FUT9: variants seen among roughly 807,000 people sequenced by gnomAD.
The protein encoded by FUT9 is fucosyltransferase 9, also known as 4-galactosyl-N-acetylglucosaminide 3-alpha-L-fucosyltransferase 9.
A neutral mutation model predicts 29.7 loss-of-function variants in FUT9; 15 were observed. The ratio of observed to expected loss-of-function variants is 0.51; its 90% CI spans 0.34 to 0.78. FUT9 has a LOEUF of 0.78. FUT9 is among the 30% of genes least tolerant of loss of function. The pLI, the probability that FUT9 is intolerant of heterozygous loss-of-function variation, is 0.01. For missense variants in FUT9, 319 were observed against 425.4 expected, an observed-to-expected ratio of 0.75 and a Z score of 2.20; for synonymous variants, 169 against 153.7, an observed-to-expected ratio of 1.10 and a Z score of -0.74.
chr6:96,068,004 A>G (rs1438932998), intron 1 of FUT9, among the ~76,000 whole-genome samples: 1 of 152,174 alleles, frequency 6.6e-6, no homozygotes, highest in African/African-American at 2.4e-5. Flanking sequence ...TAATGTCACT[A>G]TTATCATACA....
chr6:96,112,962 A>G (rs1378510738), intron 1 of FUT9, among the ~76,000 whole-genome samples: 4 of 152,216 alleles, frequency 2.6e-5, no homozygotes, highest in East Asian at 1.9e-4. Context: ...GCTGACACAC[A>G]TCACCATTAA....
At chr6:96,098,018 A>G (rs1210467956) in intron 1 of FUT9, among the ~76,000 whole-genome samples, 1 of 152,080 alleles carries the variant, frequency 6.6e-6, no homozygotes, top group Non-Finnish European at 1.5e-5. Flanking sequence ...CTGCACTTGA[A>G]GTAGAGGATT....
intron 2 of FUT9, among the ~76,000 whole-genome samples, chr6:96,194,333 G>A (rs1270061642): frequency 1.3e-5 from 2 of 152,122 alleles, no homozygotes; most frequent in Non-Finnish European, 2.9e-5. Flanking sequence ...TTTCTAACAG[G>A]ATCCCAGATG....
At chr6:96,109,104 G>C (rs935117924) in intron 1 of FUT9, among the ~76,000 whole-genome samples, 1 of 152,130 alleles carries the variant, frequency 6.6e-6, no homozygotes, top group Admixed American at 6.6e-5. Context: ...TGGCAGCAAT[G>C]CTCACTTATT....
In FUT9 at chr6:96,203,283, C is replaced by A. The variant is rs1773762123; in HGVS notation, c.128C>A (p.Ser43Ter). Residue 43 changes from serine (S) to a stop codon, truncating the protein, a stop_gained, in exon 3 of 3, where the codon TCA becomes TAA. Transcript: ENST00000302103. LOFTEE classifies it high-confidence loss of function. ...TNSWIFSPME[S>*]ASSVLKMKNF... ...AGCTGGATCTTCAGTCCAATGGAAT[C>A]AGCCAGCTCTGTGCTGAAAATGAAA... is the stretch of plus-strand genomic sequence containing the variant. 1 of 1,613,802 alleles carries A rather than the reference C, an allele frequency of 6.2e-7. No individual in the cohort carries two copies. The highest frequency in any genetic ancestry group is 8.5e-7 in the Non-Finnish European group (1 of 1,179,888).
At chr6:96,127,957 T>G (rs1319863228) in intron 2 of FUT9, among the ~76,000 whole-genome samples, 1 of 152,134 alleles carries the variant, frequency 6.6e-6, no homozygotes, top group Non-Finnish European at 1.5e-5. Flanking sequence ...TTTTAAATAT[T>G]TTTCTCCTAT....
At chr6:96,084,376 G>C (rs1294319089) in intron 1 of FUT9, among the ~76,000 whole-genome samples, 1 of 151,950 alleles carries the variant, frequency 6.6e-6, no homozygotes, top group East Asian at 1.9e-4. Flanking sequence ...AGCATTTTGG[G>C]ATAAAAACTA....
intron 2 of FUT9, among the ~76,000 whole-genome samples, chr6:96,134,908 C>T (rs893550450): frequency 2.0e-5 from 3 of 151,788 alleles, no homozygotes; most frequent in African/African-American, 7.2e-5. Context: ...AATAGAAATT[C>T]TACTTTGCAG....
At chr6:96,200,933 C>T (rs927120802) in intron 2 of FUT9, among the ~76,000 whole-genome samples, 2 of 151,804 alleles carry the variant, frequency 1.3e-5, no homozygotes, top group Admixed American at 6.6e-5. Flanking sequence ...TTTATTATTG[C>T]TGAATTTTTG....
rs116319485 is a variant in FUT9, at chr6:96,120,723, T to C, written c.-9+6596T>C. Among the ~76,000 whole-genome samples, 724 of 150,816 alleles carry C rather than the reference T, an allele frequency of 4.8e-3. 5 individuals are homozygous for C. The highest frequency in any genetic ancestry group is 0.017 in the African/African-American group (701 of 41,088). ...AATAACATTAAGCACATTTTTTTTT[T>C]CAGTTAATTTTAGGAGTAATTGGGG... On this transcript the variant is annotated intron_variant, in intron 2 of 2. Coordinates refer to ENST00000302103, the MANE Select transcript of FUT9 (RefSeq NM_006581.4).
At chr6:96,144,265 T>C (rs1362624305) in intron 2 of FUT9, among the ~76,000 whole-genome samples, 1 of 152,222 alleles carries the variant, frequency 6.6e-6, no homozygotes, top group African/African-American at 2.4e-5. Flanking sequence ...TGGTATTTGT[T>C]TGCAGCTTCC....
In FUT9 at chr6:96,186,563, A is replaced by G. The variant is rs146175979; in HGVS notation, c.-8-16585A>G. ...GAGATTTATCATATATATAGAATAC[A>G]TATAAAAGAAATTTATCTGTATAGA... On this transcript the variant is annotated intron_variant, in intron 2 of 2. Transcript: ENST00000302103. 4.3e-4 allele frequency among the ~76,000 whole-genome samples: 66 copies of G among 152,274 alleles called. 1 individual carries two copies. The highest frequency in any genetic ancestry group is 1.5e-3 in the African/African-American group (64 of 41,564).
chr6:96,141,348 A>G (rs1275590121), intron 2 of FUT9, among the ~76,000 whole-genome samples: 3 of 152,204 alleles, frequency 2.0e-5, no homozygotes, highest in Admixed American at 2.0e-4. Context: ...AGCATTCCAC[A>G]ATCAAATAAG....
At chr6:96,180,867 A>G (rs532905664) in intron 2 of FUT9, among the ~76,000 whole-genome samples, 1 of 151,912 alleles carries the variant, frequency 6.6e-6, no homozygotes, top group Admixed American at 6.6e-5. Flanking sequence ...TATCTTGGTT[A>G]TTGTAAATAA....
intron 1 of FUT9, among the ~76,000 whole-genome samples, chr6:96,082,941 A>G (rs1468780448): frequency 6.6e-6 from 1 of 151,996 alleles, no homozygotes; most frequent in African/African-American, 2.4e-5. Context: ...CATAAGGGAT[A>G]TATTTTCTGG....
At chr6:96,097,012 G>A (rs1326715993) in intron 1 of FUT9, among the ~76,000 whole-genome samples, 3 of 152,050 alleles carry the variant, frequency 2.0e-5, no homozygotes, top group East Asian at 1.9e-4. Context: ...CTTCCCATAA[G>A]GGATAAAGAA....
intron 1 of FUT9, among the ~76,000 whole-genome samples, chr6:96,100,476 T>G (rs1265466666): frequency 3.3e-5 from 5 of 152,178 alleles, no homozygotes; most frequent in African/African-American, 1.2e-4. Flanking sequence ...AGATGAAACT[T>G]TATAAAGTGA....
chr6:96,128,993 C>T (rs1000707794), intron 2 of FUT9, among the ~76,000 whole-genome samples: 7 of 151,418 alleles, frequency 4.6e-5, no homozygotes, highest in Non-Finnish European at 1.0e-4. Context: ...TGTGGTGGCT[C>T]ATGCCTGTAA....
intron 2 of FUT9, among the ~76,000 whole-genome samples, chr6:96,146,687 C>A (rs928492940): frequency 6.6e-6 from 1 of 152,104 alleles, no homozygotes; most frequent in East Asian, 1.9e-4. Context: ...GTTTATGTAC[C>A]TTCTCATTCT....
Sources: gnomAD v4.1 joint callset for allele counts (sites outside exome capture counted in the v4.1 genomes callset) on GRCh38, gnomAD v4.1.1 for gene constraint, MANE v1.5 for transcripts, NCBI Gene and HGNC (gene_info 2026-07-23, HGNC 2026-07-21) for gene names.